The following ARHGAP1 variants were observed in gnomAD, a reference collection of about 807,000 sequenced individuals.
The protein encoded by ARHGAP1 is rho GTPase-activating protein 1.
In ARHGAP1, 23 loss-of-function variants were observed where a neutral mutation model predicts 52.2. That is an observed-to-expected ratio of 0.44 (90% CI 0.32 to 0.62). ARHGAP1 has a LOEUF of 0.62. Among genes scored for constraint, ARHGAP1 ranks in the 20% least tolerant of loss-of-function variants. ARHGAP1 has a pLI of 0.05. For synonymous variants in ARHGAP1, 210 were observed against 228.4 expected (o/e 0.92, Z 0.73); for missense variants, 480 against 560.9 (o/e 0.86, Z 1.46).
At position 46,695,642 on chromosome 11, in the gene ARHGAP1, A is replaced by T; in HGVS notation, c.229+18T>A. On this transcript the variant is annotated intron_variant, in intron 3 of 12. Transcript: ENST00000311956. Reference sequence around the variant, plus strand: ...CAGGAGCTCTGAGGGTTAGGAAAATAGTGTTGGGTGTGCTTACCTGCCACC... The same window carrying T: ...CAGGAGCTCTGAGGGTTAGGAAAATTGTGTTGGGTGTGCTTACCTGCCACC... The T allele has an allele frequency of 6.4e-7, 1 of 1,550,422 alleles. No individual in the cohort carries two copies. Among genetic ancestry groups the T allele is most frequent in the South Asian group, 1.2e-5 (1 of 84,034 alleles).
rs575840467 is a variant in ARHGAP1 at position 46,695,594 on chromosome 11, G to A, written c.229+66C>T. The A allele has an allele frequency of 7.0e-5, 104 of 1,480,416 alleles. No homozygotes were observed. In the African/African-American group the frequency reaches 1.3e-3, roughly 18 times the overall value. 91.7% of individuals were successfully genotyped at this position (1,480,416 alleles called of 1,614,324 possible). The stretch of plus-strand genomic sequence containing the variant: ...TGCAGAGAGGCCCTTCCCCTGTGGT[G>A]TGAAGGGCTGACTTCCTGAGGCCAG... On this transcript the variant is annotated intron_variant, in intron 3 of 12. Coordinates refer to ENST00000311956, the MANE Select transcript of ARHGAP1 (RefSeq NM_004308.5).
intron 3 of ARHGAP1, chr11:46,695,381 C>T (rs1002378494): frequency 1.0e-5 from 5 of 479,258 alleles, no homozygotes; most frequent in Non-Finnish European, 2.0e-5. Context: ...GGGAAGGCTA[C>T]TTATTCAAGG....
rs112122692 is a variant in ARHGAP1, at chr11:46,681,631, A to G, written c.450-252T>C. ...GTATTTTTAGCGGAGACAGGGTTTC[A>G]CCATGTTGGCCAGGCTGGTCTGGAA... On this transcript the variant is annotated intron_variant, in intron 5 of 12. Transcript: ENST00000311956. The surrounding 1 kb of genome is among the most constrained non-coding windows in gnomAD (Gnocchi z 5.7). 2,336 of 435,394 alleles carry G rather than the reference A, an allele frequency of 5.4e-3. 58 individuals carry two copies. Among genetic ancestry groups the G allele is most frequent in the African/African-American group, 0.043 (2,144 of 49,798 alleles). 27.0% of individuals were successfully genotyped at this position (435,394 alleles called of 1,614,324 possible). A position where few individuals can be genotyped will look rare whatever the true frequency, so the allele number is the denominator to read the frequency against.
rs2064557011 is a variant in ARHGAP1, at chr11:46,685,056, C to T, written c.318-2874G>A. ...TGAGCCAACATCGTGCCACTGCACT[C>T]CAGCCTGGGTGACAGAGCGAGGCTC... is the stretch of plus-strand genomic sequence containing the variant. On this transcript the variant is annotated intron_variant, in intron 4 of 12. Coordinates refer to ENST00000311956, the MANE Select transcript of ARHGAP1 (RefSeq NM_004308.5). Among the ~76,000 whole-genome samples the T allele has an allele frequency of 2.7e-5, 4 of 145,986 alleles. No homozygotes were observed. In the South Asian group the frequency reaches 8.6e-4, roughly 31 times the overall value.
At chr11:46,692,571 C>T (rs1377831944) in intron 3 of ARHGAP1, among the ~76,000 whole-genome samples, 1 of 152,188 alleles carries the variant, frequency 6.6e-6, no homozygotes, top group Non-Finnish European at 1.5e-5. Context: ...TGTGGTGTCT[C>T]CTCTCAGCTG....
chr11:46,692,407 C>G (rs2064621120), intron 3 of ARHGAP1, among the ~76,000 whole-genome samples: 1 of 152,170 alleles, frequency 6.6e-6, no homozygotes, highest in African/African-American at 2.4e-5. Context: ...CCCATGAGTC[C>G]CCGCACCTCA....
At chr11:46,690,640 T>C (rs934894706) in intron 3 of ARHGAP1, among the ~76,000 whole-genome samples, 1 of 152,144 alleles carries the variant, frequency 6.6e-6, no homozygotes, top group East Asian at 1.9e-4. Context: ...CCCTTAAGAC[T>C]CAATGCAGGC....
rs1423690334 is a variant in ARHGAP1, at chr11:46,686,385, T to C, written c.317+1788A>G. The stretch of plus-strand genomic sequence containing the variant: ...GCTAGCAAGAGGTGCAGAGCTGAAG[T>C]TGAATGTGTCTTCTGAATTTGATTC... On this transcript the variant is annotated intron_variant, in intron 4 of 12. Transcript: ENST00000311956. Among the ~76,000 whole-genome samples, 9 of 152,202 alleles carry C rather than the reference T, an allele frequency of 5.9e-5. 1 individual carries two copies. Among genetic ancestry groups the C allele is most frequent in the Admixed American group, 5.9e-4 (9 of 15,280 alleles).
In ARHGAP1 at chr11:46,679,537, C is replaced by T; in HGVS notation, c.1028-69G>A. ...CTGGTTCAGGACGCTCTGATGCAGGCTAGAGGGGAGACCCCCAGCAGTCTT... is the reference window on the plus strand; with the variant it reads ...CTGGTTCAGGACGCTCTGATGCAGGTTAGAGGGGAGACCCCCAGCAGTCTT... On this transcript the variant is annotated intron_variant, in intron 11 of 12. Transcript: ENST00000311956. This position sits in a 1 kb window ranked among gnomAD's most constrained non-coding sequence, Gnocchi z 4.4. The T allele has an allele frequency of 6.2e-7, 1 of 1,606,562 alleles. No individual in the cohort carries two copies. Among genetic ancestry groups the T allele is most frequent in the Non-Finnish European group, 8.5e-7 (1 of 1,174,780 alleles).
In ARHGAP1 at chr11:46,696,776, G is replaced by T. The variant is rs2064658044; in HGVS notation, c.-49-620C>A. On this transcript the variant is annotated intron_variant, in intron 1 of 12. Coordinates refer to ENST00000311956, the MANE Select transcript of ARHGAP1 (RefSeq NM_004308.5). This position sits in a 1 kb window ranked among gnomAD's most constrained non-coding sequence, Gnocchi z 4.8. ...CCCAGCTACTCAGGAAGCTGAGGCA[G>T]GAGAATCACTTGAACCCAGGAGGCG... Among the ~76,000 whole-genome samples the T allele has an allele frequency of 6.6e-6, 1 of 152,208 alleles. No individual in the cohort carries two copies. The highest frequency in any genetic ancestry group is 2.1e-4 in the South Asian group (1 of 4,832).
In ARHGAP1 at chr11:46,679,845, G is replaced by C. The variant is rs1396304018; in HGVS notation, c.899-69C>G. ...GGCAGCACCCATCTGCAGACAACGCGGGCCGCACTGCCTGACTGCCCCTGG... is the reference window on the plus strand; with the variant it reads ...GGCAGCACCCATCTGCAGACAACGCCGGCCGCACTGCCTGACTGCCCCTGG... On this transcript the variant is annotated intron_variant, in intron 10 of 12. Coordinates refer to ENST00000311956, the MANE Select transcript of ARHGAP1 (RefSeq NM_004308.5). This position sits in a 1 kb window ranked among gnomAD's most constrained non-coding sequence, Gnocchi z 4.4. 3.8e-6 allele frequency: 6 copies of C among 1,598,230 alleles called. No homozygotes were observed. Among genetic ancestry groups the C allele is most frequent in the Non-Finnish European group, 5.1e-6 (6 of 1,174,894 alleles).
chr11:46,681,960 A>T lies in ARHGAP1; in HGVS notation c.449+91T>A. ...CAGCCCCCGCCACCCCCTGCCTTGG[A>T]ATAAGCTCCTGCCCAAGTGGAGGGC... On this transcript the variant is annotated intron_variant, in intron 5 of 12. Transcript: ENST00000311956. The surrounding 1 kb of genome is among the most constrained non-coding windows in gnomAD (Gnocchi z 5.7). The T allele has an allele frequency of 6.4e-7, 1 of 1,570,640 alleles. No individual in the cohort carries two copies. Among genetic ancestry groups the T allele is most frequent in the Non-Finnish European group, 8.7e-7 (1 of 1,153,902 alleles).
chr11:46,680,766 G>A lies in ARHGAP1; in HGVS notation c.636-19C>T, dbSNP rs1179981849. 4 of 1,510,694 alleles carry A rather than the reference G, an allele frequency of 2.6e-6. No individual in the cohort carries two copies. Among genetic ancestry groups the A allele is most frequent in the Non-Finnish European group, 3.6e-6 (4 of 1,126,066 alleles). The allele number at this position is 1,510,694 out of a possible 1,614,324, so 93.6% of individuals were successfully genotyped here. A position where few individuals can be genotyped will look rare whatever the true frequency, so the allele number is the denominator to read the frequency against. On this transcript the variant is annotated intron_variant, in intron 7 of 12. Coordinates refer to ENST00000311956, the MANE Select transcript of ARHGAP1 (RefSeq NM_004308.5). The surrounding 1 kb of genome is among the most constrained non-coding windows in gnomAD (Gnocchi z 5.9). ...GTCATATCTGTAGGAGTAGAGGGAG[G>A]TGGGTCAGGTCCTGCCTGGCTCTGG...
intron 4 of ARHGAP1, 44 bp from the exon 5 acceptor site, chr11:46,682,226 G>C (rs1286860352): frequency 3.1e-6 from 5 of 1,598,576 alleles, no homozygotes; most frequent in South Asian, 2.2e-5. Context: ...GTGCACAGGG[G>C]CGGCCCCACG....
intron 3 of ARHGAP1, among the ~76,000 whole-genome samples, chr11:46,690,786 C>A (rs1274883669): frequency 1.3e-5 from 2 of 152,146 alleles, no homozygotes; most frequent in Admixed American, 6.6e-5. Flanking sequence ...TGTTTATGTA[C>A]CTGTCTCCCT....
In ARHGAP1 at chr11:46,696,376, G is replaced by A. The variant is rs1565691045; in HGVS notation, c.-49-220C>T. On this transcript the variant is annotated intron_variant, in intron 1 of 12. Coordinates refer to ENST00000311956, the MANE Select transcript of ARHGAP1 (RefSeq NM_004308.5). This position sits in a 1 kb window ranked among gnomAD's most constrained non-coding sequence, Gnocchi z 4.8. ...GAAAAGGCAGCTGGGGCAGAGGATG[G>A]CACAGCTCAGCGCCTCCCTCCAGGC... Among the ~76,000 whole-genome samples the A allele has an allele frequency of 6.6e-6, 1 of 152,160 alleles. No individual in the cohort carries two copies. Among genetic ancestry groups the A allele is most frequent in the Non-Finnish European group, 1.5e-5 (1 of 68,030 alleles).
At chr11:46,686,264 A>G (rs901695217) in intron 4 of ARHGAP1, among the ~76,000 whole-genome samples, 9 of 151,342 alleles carry the variant, frequency 5.9e-5, no homozygotes, top group African/African-American at 1.9e-4. Flanking sequence ...GATTACAGGC[A>G]TGAGCCGCTG....
intron 1 of ARHGAP1, among the ~76,000 whole-genome samples, chr11:46,699,128 G>C (rs1462063178): frequency 6.6e-6 from 1 of 152,164 alleles, no homozygotes; most frequent in Non-Finnish European, 1.5e-5. Flanking sequence ...AACATGTGTG[G>C]ACTTTTTCCC....
chr11:46,680,305 G>A lies in ARHGAP1; in HGVS notation c.821-23C>T, dbSNP rs1380539127. 1.2e-6 allele frequency: 2 copies of A among 1,613,128 alleles called. No homozygotes were observed. The highest frequency in any genetic ancestry group is 1.7e-6 in the Non-Finnish European group (2 of 1,179,236). On this transcript the variant is annotated intron_variant, in intron 9 of 12. Coordinates refer to ENST00000311956, the MANE Select transcript of ARHGAP1 (RefSeq NM_004308.5). The surrounding 1 kb of genome is among the most constrained non-coding windows in gnomAD (Gnocchi z 5.9). ...GAGCTGGGAAACAGTAGGGCCTGGTGAGCCTCCGAGCGCTGGGCACCGGCT... is the reference window on the plus strand; with the variant it reads ...GAGCTGGGAAACAGTAGGGCCTGGTAAGCCTCCGAGCGCTGGGCACCGGCT...
Sources: gnomAD v4.1 joint callset for allele counts (sites outside exome capture counted in the v4.1 genomes callset) on GRCh38, gnomAD v4.1.1 for gene constraint, Gnocchi (gnomAD v3.1) non-coding constraint, MANE v1.5 for transcripts, NCBI Gene and HGNC (gene_info 2026-07-23, HGNC 2026-07-21) for gene names.